Variants in SYN3 observed in about 807,000 individuals in gnomAD.
The protein encoded by SYN3 is synapsin-3.
In SYN3, 35 loss-of-function variants were observed where a neutral mutation model predicts 65.8. The ratio of observed to expected loss-of-function variants is 0.53; its 90% CI spans 0.41 to 0.70. SYN3 has a LOEUF of 0.70. Among genes scored for constraint, SYN3 ranks in the 30% least tolerant of loss-of-function variants. The pLI is 0.00. For synonymous variants in SYN3, 270 were observed against 292.9 expected (o/e 0.92, Z 0.80); for missense variants, 680 against 749.0 (o/e 0.91, Z 1.08).
intron 2 of SYN3, among the ~76,000 whole-genome samples, chr22:33,000,274 C>T (rs773809848): frequency 6.6e-6 from 1 of 152,136 alleles, no homozygotes; most frequent in African/African-American, 2.4e-5. Flanking sequence ...CAGACCTATC[C>T]GGAGCCAGGC....
intron 6 of SYN3, among the ~76,000 whole-genome samples, chr22:32,735,807 C>T (rs536512260): frequency 6.6e-6 from 1 of 152,344 alleles, no homozygotes; most frequent in African/African-American, 2.4e-5. Context: ...TGGGCTCCCA[C>T]TCATGTCTGG....
intron 4 of SYN3, among the ~76,000 whole-genome samples, chr22:32,873,401 C>T (rs1470997580): frequency 3.3e-5 from 5 of 152,132 alleles, no homozygotes; most frequent in Admixed American, 3.3e-4. Context: ...AAGCCTTGGT[C>T]TTAAAAGCTG....
chr22:32,703,986 G>A (rs1414885196), intron 6 of SYN3, among the ~76,000 whole-genome samples: 1 of 152,024 alleles, frequency 6.6e-6, no homozygotes, highest in Non-Finnish European at 1.5e-5. Context: ...TATTATTTCA[G>A]GGTAGAAATG....
chr22:32,663,414 T>C (rs1306884374), intron 6 of SYN3, among the ~76,000 whole-genome samples: 2 of 151,444 alleles, frequency 1.3e-5, no homozygotes, highest in Non-Finnish European at 2.9e-5. Flanking sequence ...TTCTCCTGCC[T>C]CAGCCGCCCG....
At chr22:32,990,482 A>G (rs1008907305) in intron 2 of SYN3, among the ~76,000 whole-genome samples, 11 of 152,114 alleles carry the variant, frequency 7.2e-5, no homozygotes, top group African/African-American at 2.6e-4. Context: ...CCATCTACCC[A>G]TCCATCCACA....
chr22:32,710,662 A>G (rs1372719582), intron 6 of SYN3, among the ~76,000 whole-genome samples: 14 of 150,870 alleles, frequency 9.3e-5, no homozygotes, highest in Middle Eastern at 3.2e-3. Flanking sequence ...AGAAAGAAAA[A>G]GAAAGAAAGT....
intron 4 of SYN3, among the ~76,000 whole-genome samples, chr22:32,898,279 C>A (rs1233634757): frequency 1.3e-5 from 2 of 152,190 alleles, no homozygotes; most frequent in African/African-American, 4.8e-5. Context: ...CAGGCTGAGC[C>A]ACTGCGCCCG....
At chr22:33,018,519 G>A (rs2053508202) in intron 1 of SYN3, among the ~76,000 whole-genome samples, 1 of 152,210 alleles carries the variant, frequency 6.6e-6, no homozygotes, top group Non-Finnish European at 1.5e-5. Flanking sequence ...GGAGGCTGTG[G>A]CATGAAGAAA....
chr22:33,006,792 C>G lies in SYN3; in HGVS notation c.-130G>C. 3 of 865,610 alleles carry G rather than the reference C, an allele frequency of 3.5e-6. No individual in the cohort carries two copies. Among genetic ancestry groups the G allele is most frequent in the Non-Finnish European group, 5.2e-6 (3 of 573,112 alleles). 53.6% of individuals were successfully genotyped at this position (865,610 alleles called of 1,614,324 possible). A position where few individuals can be genotyped will look rare whatever the true frequency, so the allele number is the denominator to read the frequency against. ...AAGAGCCAGGGGGATTTTGCGCAAC[C>G]AGCAGTCAGCTTTAGCTGCCTTTAT... On this transcript the variant is annotated 5_prime_UTR_variant, in exon 2 of 14. Coordinates refer to ENST00000358763, the MANE Select transcript of SYN3 (RefSeq NM_003490.4).
At chr22:32,677,524 C>T (rs1295137381) in intron 6 of SYN3, among the ~76,000 whole-genome samples, 2 of 152,082 alleles carry the variant, frequency 1.3e-5, no homozygotes, top group Admixed American at 6.5e-5. Context: ...ATTGACTGGG[C>T]GCGGTGGCTC....
intron 7 of SYN3, among the ~76,000 whole-genome samples, chr22:32,574,147 G>C (rs899824572): frequency 1.3e-5 from 2 of 151,898 alleles, no homozygotes; most frequent in Non-Finnish European, 2.9e-5. Context: ...GAGGAAAGAA[G>C]TGAAAGTGTC....
chr22:32,852,068 A>T (rs2283884), intron 6 of SYN3, among the ~76,000 whole-genome samples: 39,802 of 152,138 alleles, frequency 0.26, 5,763 homozygotes, highest in East Asian at 0.4. Context: ...GCAATTGCTT[A>T]GTGCCAGGCA....
At chr22:32,700,501 A>C (rs1385865653) in intron 6 of SYN3, among the ~76,000 whole-genome samples, 4 of 152,220 alleles carry the variant, frequency 2.6e-5, no homozygotes, top group Admixed American at 1.3e-4. Flanking sequence ...AATGAAATTT[A>C]AGGCAACATT....
chr22:33,001,890 G>A (rs771601319), intron 2 of SYN3, among the ~76,000 whole-genome samples: 6 of 152,152 alleles, frequency 3.9e-5, no homozygotes, highest in Non-Finnish European at 5.9e-5. Flanking sequence ...CATTTATTAA[G>A]TTCAACCTCC....
chr22:32,690,961 C>T (rs2060653824), intron 6 of SYN3, among the ~76,000 whole-genome samples: 1 of 152,128 alleles, frequency 6.6e-6, no homozygotes, highest in African/African-American at 2.4e-5. Context: ...ATTTGAGCCC[C>T]ACAGGATGGG....
chr22:32,577,660 T>A (rs1346640876), intron 7 of SYN3, among the ~76,000 whole-genome samples: 3 of 152,376 alleles, frequency 2.0e-5, no homozygotes, highest in South Asian at 4.1e-4. Context: ...ATGATCTTCC[T>A]CCACCACCTG....
intron 7 of SYN3, among the ~76,000 whole-genome samples, chr22:32,562,045 T>C (rs555679734): frequency 2.0e-5 from 3 of 152,202 alleles, no homozygotes; most frequent in Non-Finnish European, 4.4e-5. Flanking sequence ...AAGCCAAGCA[T>C]GAGGTGGGTT....
chr22:32,845,399 C>G (rs2146218458), intron 6 of SYN3, among the ~76,000 whole-genome samples: 1 of 152,022 alleles, frequency 6.6e-6, no homozygotes, highest in Admixed American at 6.6e-5. Flanking sequence ...ACCATGCTGG[C>G]CAGGATGGTC....
At chr22:32,859,259 G>A in intron 6 of SYN3, 2 of 1,614,174 alleles carry the variant, frequency 1.2e-6, no homozygotes, top group Non-Finnish European at 8.5e-7. Context: ...TCCAATTTCG[G>A]TTACCCTGGC....
Sources: gnomAD v4.1 joint callset for allele counts (sites outside exome capture counted in the v4.1 genomes callset) on GRCh38, gnomAD v4.1.1 for gene constraint, MANE v1.5 for transcripts, NCBI Gene and HGNC (gene_info 2026-07-23, HGNC 2026-07-21) for gene names.